ST3GAL3: variants seen among roughly 807,000 people sequenced by gnomAD.
The protein encoded by ST3GAL3 is CMP-N-acetylneuraminate-beta-1,4-galactoside alpha-2,3-sialyltransferase.
ST3GAL3 carries 21 observed loss-of-function variants against 50.1 expected under a neutral mutation model. The observed-to-expected ratio is 0.42, with a 90% CI of 0.30 to 0.60. The LOEUF is 0.60. ST3GAL3 is among the 20% of genes least tolerant of loss of function. The pLI, the probability that ST3GAL3 is intolerant of heterozygous loss-of-function variation, is 0.19. For missense variants in ST3GAL3, 353 were observed against 489.4 expected (o/e 0.72, Z 2.63); for synonymous variants, 183 against 190.0 (o/e 0.96, Z 0.30).
intron 9 of ST3GAL3, among the ~76,000 whole-genome samples, chr1:43,904,194 G>A (rs1052772387): frequency 6.6e-6 from 1 of 152,094 alleles, no homozygotes. Context: ...GGGCTGGACC[G>A]TAGGGCAGAT....
intron 1 of ST3GAL3, among the ~76,000 whole-genome samples, chr1:43,714,456 T>G (rs1441721865): frequency 2.1e-5 from 2 of 96,322 alleles, no homozygotes; most frequent in East Asian, 4.0e-4. Context: ...AAAAAAAAAA[T>G]TAGCTGGGCA....
chr1:43,821,813 C>T (rs1200132887), intron 4 of ST3GAL3, among the ~76,000 whole-genome samples: 8 of 152,086 alleles, frequency 5.3e-5, no homozygotes, highest in East Asian at 1.9e-4. Flanking sequence ...TTGAGGGCCT[C>T]GAAAAGTCTC....
At chr1:43,917,477 T>TA (rs1368894789) in intron 9 of ST3GAL3, among the ~76,000 whole-genome samples, 2 of 76,888 alleles carry the variant, frequency 2.6e-5, no homozygotes, top group African/African-American at 9.6e-5. Context: ...ATATATAATA[T>TA]ATATAATATA....
At chr1:43,883,919 T>G (rs2075565595) in intron 5 of ST3GAL3, among the ~76,000 whole-genome samples, 1 of 152,256 alleles carries the variant, frequency 6.6e-6, no homozygotes, top group South Asian at 2.1e-4. Context: ...CATTATCTCC[T>G]TTGAGATGTC....
intron 5 of ST3GAL3, among the ~76,000 whole-genome samples, chr1:43,892,454 G>A (rs754247956): frequency 6.6e-6 from 1 of 152,114 alleles, no homozygotes; most frequent in Non-Finnish European, 1.5e-5. Flanking sequence ...AAATAATATA[G>A]GAAAAGGAAA....
intron 9 of ST3GAL3, among the ~76,000 whole-genome samples, chr1:43,915,004 G>A (rs778110748): frequency 2.0e-5 from 3 of 152,226 alleles, no homozygotes; most frequent in Admixed American, 6.5e-5. Context: ...CTGGAGACAG[G>A]AGCAGGAAAA....
At chr1:43,865,690 G>A (rs2071161189) in intron 5 of ST3GAL3, among the ~76,000 whole-genome samples, 1 of 152,174 alleles carries the variant, frequency 6.6e-6, no homozygotes, top group Admixed American at 6.5e-5. Context: ...TGAGGTGTCA[G>A]GAGGGGCTTT....
chr1:43,749,583 A>C (rs1357731716), intron 2 of ST3GAL3, among the ~76,000 whole-genome samples: 1 of 152,142 alleles, frequency 6.6e-6, no homozygotes, highest in East Asian at 1.9e-4. Flanking sequence ...ACAAACAAAC[A>C]AAAAAATGAA....
chr1:43,775,179 G>T (rs1028322505), intron 2 of ST3GAL3, among the ~76,000 whole-genome samples: 10 of 151,754 alleles, frequency 6.6e-5, no homozygotes, highest in African/African-American at 2.4e-4. Flanking sequence ...AATAAAAGAA[G>T]CTCTTCCTGA....
intron 6 of ST3GAL3, among the ~76,000 whole-genome samples, 176 bp from the exon 7 acceptor site, chr1:43,898,059 C>G (rs181897808): frequency 2.7e-3 from 407 of 152,334 alleles, no homozygotes; most frequent in African/African-American, 9.4e-3. Flanking sequence ...CCATCACCTC[C>G]TTTCTCAGGA....
At chr1:43,804,670 TAAAC>T (rs754342299) in intron 3 of ST3GAL3, among the ~76,000 whole-genome samples, 4 of 152,176 alleles carry the variant, frequency 2.6e-5, no homozygotes, top group Admixed American at 6.5e-5. Context: ...GGGCATTAAA[TAAAC>T]AGTGTGGCAG....
At chr1:43,710,147 T>G (rs1268110132) in intron 1 of ST3GAL3, among the ~76,000 whole-genome samples, 1 of 151,968 alleles carries the variant, frequency 6.6e-6, no homozygotes, top group African/African-American at 2.4e-5. Context: ...AGTGGCCCCA[T>G]CTCAGCCCAC....
At chr1:43,775,728 A>G (rs572980306) in intron 2 of ST3GAL3, among the ~76,000 whole-genome samples, 2 of 152,178 alleles carry the variant, frequency 1.3e-5, no homozygotes, top group South Asian at 4.1e-4. Flanking sequence ...TCTTGTGCAT[A>G]CCCTTGTTCA....
At chr1:43,754,806 T>C (rs1687444332) in intron 2 of ST3GAL3, among the ~76,000 whole-genome samples, 1 of 151,974 alleles carries the variant, frequency 6.6e-6, no homozygotes, top group Non-Finnish European at 1.5e-5. Context: ...CAAAATTAGC[T>C]GAGTGTAGTG....
intron 9 of ST3GAL3, among the ~76,000 whole-genome samples, chr1:43,917,622 TTA>T (rs1557539712): frequency 5.5e-5 from 4 of 72,996 alleles, no homozygotes; most frequent in African/African-American, 5.6e-5. Flanking sequence ...ATATATTATA[TTA>T]TATATAATAT....
At chr1:43,803,929 A>G (rs2059598900) in intron 3 of ST3GAL3, among the ~76,000 whole-genome samples, 1 of 152,206 alleles carries the variant, frequency 6.6e-6, no homozygotes, top group Non-Finnish European at 1.5e-5. Flanking sequence ...TGGGCTTTCC[A>G]GCCTGGCCAA....
chr1:43,846,104 T>C (rs571292192), intron 5 of ST3GAL3, among the ~76,000 whole-genome samples: 207 of 152,332 alleles, frequency 1.4e-3, no homozygotes, highest in Non-Finnish European at 2.7e-3. Context: ...AAGAAAATAC[T>C]TCTGTTTTAG....
At chr1:43,918,119 C>T (rs866076972) in intron 9 of ST3GAL3, among the ~76,000 whole-genome samples, 8 of 133,900 alleles carry the variant, frequency 6.0e-5, no homozygotes, top group South Asian at 2.2e-4. Flanking sequence ...TTTTCTTTCT[C>T]TTTTTTTTTT....
At chr1:43,734,564 C>A (rs1677524138) in intron 1 of ST3GAL3, among the ~76,000 whole-genome samples, 1 of 152,136 alleles carries the variant, frequency 6.6e-6, no homozygotes, top group African/African-American at 2.4e-5. Flanking sequence ...CCTGCCTCAG[C>A]CTACCAAAGT....
Sources: allele counts gnomAD v4.1 joint callset (sites outside exome capture counted in the v4.1 genomes callset), GRCh38; gene constraint gnomAD v4.1.1; transcripts MANE v1.5; gene names NCBI Gene and HGNC (gene_info 2026-07-23, HGNC 2026-07-21).